Variants in SCD5 observed in about 807,000 individuals in gnomAD.
The protein encoded by SCD5 is acyl-CoA-desaturase 4.
SCD5 carries 20 observed loss-of-function variants against 30.4 expected under a neutral mutation model. The ratio of observed to expected loss-of-function variants is 0.66; its 90% CI spans 0.46 to 0.96. SCD5 has a LOEUF of 0.96. Ranked by LOEUF, SCD5 falls within the 40% of genes least tolerant of loss-of-function variation. The probability of loss-of-function intolerance (pLI) is 0.00; values close to 1 mark genes in which losing one functional copy is unlikely to be tolerated. For synonymous variants in SCD5, 173 were observed against 176.4 expected, an observed-to-expected ratio of 0.98 and a Z score of 0.16; for missense variants, 381 against 443.3, an observed-to-expected ratio of 0.86 and a Z score of 1.26.
chr4:82,690,792 T>C (rs1728816421), intron 2 of SCD5, among the ~76,000 whole-genome samples: 2 of 152,220 alleles, frequency 1.3e-5, no homozygotes, highest in South Asian at 4.1e-4. Context: ...TTAATTTGAC[T>C]GATATTTACT....
chr4:82,763,977 T>C (rs1721432844), intron 1 of SCD5, among the ~76,000 whole-genome samples: 2 of 152,256 alleles, frequency 1.3e-5, no homozygotes, highest in African/African-American at 4.8e-5. Flanking sequence ...CCTTCTTTGA[T>C]TGATGTTGCG....
chr4:82,699,569 TG>T (rs1424019579), intron 2 of SCD5, among the ~76,000 whole-genome samples: 29 of 20,008 alleles, frequency 1.4e-3, no homozygotes, highest in African/African-American at 9.7e-3. Context: ...TTTTGTTTTT[TG>T]TTTTTTTTTT....
At chr4:82,782,343 A>G (rs1008441070) in intron 1 of SCD5, among the ~76,000 whole-genome samples, 2 of 152,094 alleles carry the variant, frequency 1.3e-5, no homozygotes, top group African/African-American at 4.8e-5. Flanking sequence ...ATCCTGAAAT[A>G]CAGCGGAAAT....
At chr4:82,661,909 T>C (rs908966609) in intron 3 of SCD5, among the ~76,000 whole-genome samples, 1 of 152,184 alleles carries the variant, frequency 6.6e-6, no homozygotes. Flanking sequence ...TTCTACCTTC[T>C]TCCTCCACTG....
intron 4 of SCD5, among the ~76,000 whole-genome samples, chr4:82,634,826 C>A (rs72911236): frequency 0.051 from 7,759 of 152,332 alleles, 243 homozygotes; most frequent in South Asian, 0.14. Flanking sequence ...TCATTACAGT[C>A]CTTTCAGAAG....
rs1720114009 is a variant in SCD5 at position 82,712,267 on chromosome 4, TATATATATATATATATATATATATA to T, written c.233-6879_233-6855del. 2.4e-4 allele frequency among the ~76,000 whole-genome samples: 11 copies of T among 46,196 alleles called. 1 individual carries two copies. Among genetic ancestry groups the T allele is most frequent in the African/African-American group, 1.5e-3 (11 of 7,208 alleles). 30.3% of individuals were successfully genotyped at this position (46,196 alleles called of 152,430 possible). A position where few individuals can be genotyped will look rare whatever the true frequency, so the allele number is the denominator to read the frequency against. ...ACATATATATATATATATATATATA[TATATATATATATATATATATATATA>T]TATATTTTATTTTTATTTTATTTTT... On this transcript the variant is annotated intron_variant, in intron 1 of 4. Coordinates refer to ENST00000319540, the MANE Select transcript of SCD5 (RefSeq NM_001037582.3).
intron 1 of SCD5, among the ~76,000 whole-genome samples, chr4:82,746,226 A>G (rs1175501096): frequency 1.3e-5 from 2 of 152,232 alleles, no homozygotes; most frequent in Non-Finnish European, 2.9e-5. Context: ...GAATTAGAAA[A>G]CTATGGAAGC....
intron 1 of SCD5, among the ~76,000 whole-genome samples, chr4:82,712,631 A>G (rs1009893046): frequency 3.9e-5 from 6 of 151,936 alleles, no homozygotes; most frequent in African/African-American, 1.5e-4. Flanking sequence ...TTGTATTTCT[A>G]AAGAGCTTGT....
At chr4:82,794,841 T>G (rs920187023) in intron 1 of SCD5, among the ~76,000 whole-genome samples, 1 of 151,942 alleles carries the variant, frequency 6.6e-6, no homozygotes, top group Non-Finnish European at 1.5e-5. Context: ...TTAGTAGAGA[T>G]GGGGTTTCAC....
At chr4:82,647,456 G>A (rs186107102) in intron 3 of SCD5, among the ~76,000 whole-genome samples, 46 of 152,346 alleles carry the variant, frequency 3.0e-4, no homozygotes, top group African/African-American at 1.1e-3. Context: ...AGCTGAGGTA[G>A]CTGAATGGAT....
intron 3 of SCD5, among the ~76,000 whole-genome samples, chr4:82,662,419 T>C (rs546611174): frequency 1.3e-5 from 2 of 152,222 alleles, no homozygotes; most frequent in East Asian, 3.9e-4. Context: ...ATTTTGAAAT[T>C]AATATGAAAA....
At position 82,782,284 on chromosome 4, in the gene SCD5, T is replaced by C. The variant is rs150256327; in HGVS notation, c.232+16022A>G. 1.1e-4 allele frequency among the ~76,000 whole-genome samples: 17 copies of C among 151,932 alleles called. No individual in the cohort carries two copies. In the East Asian group the frequency reaches 3.3e-3, roughly 29 times the overall value. ...ACCTTAGAGAAGAGCTCCATGAACC[T>C]CCATATTTAGAATTAACAAATTTAC... is the stretch of plus-strand genomic sequence containing the variant. On this transcript the variant is annotated intron_variant, in intron 1 of 4. Coordinates refer to ENST00000319540, the MANE Select transcript of SCD5 (RefSeq NM_001037582.3).
intron 3 of SCD5, among the ~76,000 whole-genome samples, chr4:82,679,191 T>C (rs1404405034): frequency 1.2e-5 from 1 of 84,302 alleles, no homozygotes; most frequent in African/African-American, 4.8e-5. Flanking sequence ...AGAGTGAGAC[T>C]CCATCTCCAA....
At chr4:82,798,282 G>C in intron 1 of SCD5, 24 bp downstream of exon 1, 1 of 1,546,782 alleles carries the variant, frequency 6.5e-7, no homozygotes, top group Non-Finnish European at 8.7e-7. Context: ...AGGCCGGGGC[G>C]CAGGGGGCGC....
At chr4:82,686,370 A>G (rs953003223) in intron 2 of SCD5, among the ~76,000 whole-genome samples, 3 of 152,238 alleles carry the variant, frequency 2.0e-5, no homozygotes, top group African/African-American at 7.2e-5. Flanking sequence ...TTAAGAATTC[A>G]ATGCTGCCTA....
At chr4:82,650,413 G>C (rs1444187961) in intron 3 of SCD5, among the ~76,000 whole-genome samples, 2 of 152,156 alleles carry the variant, frequency 1.3e-5, no homozygotes, top group African/African-American at 4.8e-5. Context: ...ATATTTTTGA[G>C]GTCACGCACA....
intron 2 of SCD5, among the ~76,000 whole-genome samples, chr4:82,692,980 G>A (rs1719595378): frequency 6.6e-6 from 1 of 152,190 alleles, no homozygotes; most frequent in African/African-American, 2.4e-5. Context: ...GGGGAAGCGA[G>A]GAGGAGACCA....
At chr4:82,638,643 GAAGT>G (rs1414749029) in intron 3 of SCD5, among the ~76,000 whole-genome samples, 2 of 152,184 alleles carry the variant, frequency 1.3e-5, no homozygotes, top group East Asian at 1.9e-4. Context: ...TCTCAAGCAG[GAAGT>G]AAGAGAAGCC....
chr4:82,648,233 C>T (rs564878258), intron 3 of SCD5, among the ~76,000 whole-genome samples: 1 of 152,342 alleles, frequency 6.6e-6, no homozygotes, highest in Admixed American at 6.5e-5. Flanking sequence ...CTCACCAGCT[C>T]CCACCTTTCA....
Sources: gnomAD v4.1 joint callset for allele counts (sites outside exome capture counted in the v4.1 genomes callset) on GRCh38, gnomAD v4.1.1 for gene constraint, MANE v1.5 for transcripts, NCBI Gene and HGNC (gene_info 2026-07-23, HGNC 2026-07-21) for gene names.